CAMK4: variants seen among roughly 807,000 people sequenced by gnomAD.
CAMK4 encodes the protein calcium/calmodulin dependent protein kinase IV.
Under a neutral mutation model 44.9 loss-of-function variants are expected in CAMK4, and 22 were observed. That is an observed-to-expected ratio of 0.49 (90% CI 0.35 to 0.70). CAMK4 has a LOEUF of 0.70. Among genes scored for constraint, CAMK4 ranks in the 30% least tolerant of loss-of-function variants. The pLI is 0.01. For missense variants in CAMK4, 498 were observed against 586.8 expected (o/e 0.85, Z 1.56); for synonymous variants, 218 against 215.4 (o/e 1.01, Z -0.11).
chr5:111,484,069 C>T lies in CAMK4; in HGVS notation c.1025C>T (p.Ala342Val). 1 of 1,608,320 alleles carries T rather than the reference C, an allele frequency of 6.2e-7. No homozygotes were observed. The highest frequency in any genetic ancestry group is 8.5e-7 in the Non-Finnish European group (1 of 1,177,174). The change falls in exon 11 of 11, where the codon GCC (alanine) becomes GTC (valine). Residue 342 changes from alanine (A) to valine (V), a missense_variant. Around this residue, in one of 3 missense-constraint regions of CAMK4, gnomAD observed 203 missense variants for 298.2 expected, o/e 0.68. Transcript: ENST00000282356. This position sits in a 1 kb window ranked among gnomAD's most constrained non-coding sequence, Gnocchi z 5.3. ...AVVASSRLGS[A>V]SSSHGSIQES... Reference sequence around the variant, plus strand: ...GTGGCCTCTTCGCGCCTGGGAAGTGCCAGCAGCAGCCATGGCAGCATCCAG... The same window carrying T: ...GTGGCCTCTTCGCGCCTGGGAAGTGTCAGCAGCAGCCATGGCAGCATCCAG...
intron 1 of CAMK4, among the ~76,000 whole-genome samples, chr5:111,230,994 G>A (rs761172249): frequency 3.9e-5 from 6 of 152,098 alleles, no homozygotes; most frequent in Non-Finnish European, 8.8e-5. Flanking sequence ...GTTGATAGCA[G>A]CTAGAGTCAA....
chr5:111,361,534 T>C (rs1750591062), intron 2 of CAMK4, among the ~76,000 whole-genome samples: 1 of 151,968 alleles, frequency 6.6e-6, no homozygotes, highest in Non-Finnish European at 1.5e-5. Context: ...CTTTACCATA[T>C]AAAAATTACT....
chr5:111,481,254 T>C (rs1755424578), intron 9 of CAMK4, among the ~76,000 whole-genome samples: 1 of 152,056 alleles, frequency 6.6e-6, no homozygotes, highest in South Asian at 2.1e-4. Context: ...AAAAAGAAAA[T>C]ACCTAATTGT....
chr5:111,452,954 A>T (rs1754286916), intron 7 of CAMK4, among the ~76,000 whole-genome samples: 1 of 151,918 alleles, frequency 6.6e-6, no homozygotes, highest in African/African-American at 2.4e-5. Flanking sequence ...ATTGAGATGG[A>T]AAATAAAAGT....
At chr5:111,231,484 C>T (rs1015749315) in intron 1 of CAMK4, among the ~76,000 whole-genome samples, 13 of 152,280 alleles carry the variant, frequency 8.5e-5, no homozygotes, top group Middle Eastern at 3.4e-3. Context: ...TCAAATGTGT[C>T]CCCTCTCTCC....
At chr5:111,285,084 A>C (rs1246532741) in intron 1 of CAMK4, among the ~76,000 whole-genome samples, 1 of 152,220 alleles carries the variant, frequency 6.6e-6, no homozygotes, top group Non-Finnish European at 1.5e-5. Flanking sequence ...TATATCACAT[A>C]CTGTTCTTTT....
intron 4 of CAMK4, among the ~76,000 whole-genome samples, chr5:111,392,948 G>A (rs999285137): frequency 2.0e-5 from 3 of 152,048 alleles, no homozygotes; most frequent in Non-Finnish European, 2.9e-5. Flanking sequence ...AGATTGAAAC[G>A]TATCAAATAT....
intron 7 of CAMK4, among the ~76,000 whole-genome samples, chr5:111,463,759 G>A (rs1754723101): frequency 1.3e-5 from 2 of 152,184 alleles, no homozygotes; most frequent in African/African-American, 4.8e-5. Flanking sequence ...ACTGCAGTTT[G>A]CCTTTCGGGA....
rs1442958732 is a variant in CAMK4 at position 111,434,287 on chromosome 5, G to A, written c.460-12399G>A. On this transcript the variant is annotated intron_variant, in intron 5 of 10. Transcript: ENST00000282356. Reference sequence around the variant, plus strand: ...TAGCCTGGCTACATAACGAGACTCTGTCTCAAAAAAAAAAAAAAAAATAGA... The same window carrying A: ...TAGCCTGGCTACATAACGAGACTCTATCTCAAAAAAAAAAAAAAAAATAGA... 7.0e-5 allele frequency among the ~76,000 whole-genome samples: 5 copies of A among 71,700 alleles called. No individual in the cohort carries two copies. In the East Asian group the frequency reaches 1.4e-3, roughly 21 times the overall value. 47.0% of individuals were successfully genotyped at this position (71,700 alleles called of 152,430 possible). A position where few individuals can be genotyped will look rare whatever the true frequency, so the allele number is the denominator to read the frequency against.
intron 9 of CAMK4, among the ~76,000 whole-genome samples, chr5:111,481,695 G>A (rs1755440123): frequency 1.3e-5 from 2 of 152,074 alleles, no homozygotes; most frequent in Admixed American, 6.5e-5. Context: ...CACAAGATGC[G>A]CTCTGACATA....
intron 1 of CAMK4, among the ~76,000 whole-genome samples, chr5:111,257,497 C>T (rs1749792280): frequency 6.6e-6 from 1 of 152,154 alleles, no homozygotes; most frequent in South Asian, 2.1e-4. Context: ...CAAGAAACAA[C>T]AGATGCTGGT....
At chr5:111,285,842 A>G (rs990909785) in intron 1 of CAMK4, among the ~76,000 whole-genome samples, 1 of 152,194 alleles carries the variant, frequency 6.6e-6, no homozygotes, top group Non-Finnish European at 1.5e-5. Context: ...GCAGTGTTTG[A>G]GGGAATTGCT....
At chr5:111,225,330 C>T (rs1302992970) in intron 1 of CAMK4, among the ~76,000 whole-genome samples, 2 of 152,188 alleles carry the variant, frequency 1.3e-5, no homozygotes, top group South Asian at 4.1e-4. Context: ...CAGACCATCT[C>T]CCTAGGATTG....
intron 5 of CAMK4, among the ~76,000 whole-genome samples, chr5:111,431,179 C>G (rs1460297351): frequency 6.6e-6 from 1 of 152,002 alleles, no homozygotes; most frequent in African/African-American, 2.4e-5. Flanking sequence ...ACAGGTGGAA[C>G]AGAGCAGAGA....
intron 2 of CAMK4, among the ~76,000 whole-genome samples, chr5:111,345,236 A>G (rs1049894695): frequency 6.6e-6 from 1 of 151,926 alleles, no homozygotes; most frequent in Admixed American, 6.6e-5. Context: ...TAGCAAAATA[A>G]CAAAAACAAT....
intron 4 of CAMK4, among the ~76,000 whole-genome samples, chr5:111,382,090 G>A (rs1320593687): frequency 6.6e-6 from 1 of 152,114 alleles, no homozygotes; most frequent in Non-Finnish European, 1.5e-5. Flanking sequence ...GAAAATCCAT[G>A]ATGTATTGAT....
chr5:111,238,236 GTCATT>G (rs1296627564), intron 1 of CAMK4, among the ~76,000 whole-genome samples: 2 of 152,164 alleles, frequency 1.3e-5, no homozygotes, highest in African/African-American at 4.8e-5. Flanking sequence ...CTAGGTACCA[GTCATT>G]TCCTTGTATC....
chr5:111,486,529 ACACACACACAC>A lies in CAMK4; in HGVS notation c.*2064_*2074del, dbSNP rs1755632017. The stretch of plus-strand genomic sequence containing the variant: ...CACACACACACACACACACACACAC[ACACACACACAC>A]ACGTGTTGGAAGAGCAAAGAGAGGG... On this transcript the variant is annotated 3_prime_UTR_variant, in exon 11 of 11. Transcript: ENST00000282356. 2 of 141,120 alleles carry A rather than the reference ACACACACACAC, an allele frequency of 1.4e-5. No homozygotes were observed. Among genetic ancestry groups the A allele is most frequent in the South Asian group, 2.4e-4 (1 of 4,106 alleles). 8.7% of individuals were successfully genotyped at this position (141,120 alleles called of 1,614,324 possible).
chr5:111,267,778 C>T (rs1329250344), intron 1 of CAMK4, among the ~76,000 whole-genome samples: 2 of 151,216 alleles, frequency 1.3e-5, no homozygotes, highest in East Asian at 3.9e-4. Flanking sequence ...GAATATCCCA[C>T]GTTACAAACA....
Sources: gnomAD v4.1 joint callset for allele counts (sites outside exome capture counted in the v4.1 genomes callset) on GRCh38, gnomAD v4.1.1 for gene constraint, gnomAD v4.1.1 regional missense constraint, Gnocchi (gnomAD v3.1) non-coding constraint, MANE v1.5 for transcripts, NCBI Gene and HGNC (gene_info 2026-07-23, HGNC 2026-07-21) for gene names.